Variants in CMIP observed in about 807,000 individuals in gnomAD.
The protein encoded by CMIP is C-Maf-inducing protein.
Under a neutral mutation model 97.3 loss-of-function variants are expected in CMIP, and 13 were observed. The ratio of observed to expected loss-of-function variants is 0.13; its 90% CI spans 0.09 to 0.21. The LOEUF (loss-of-function observed/expected upper bound fraction) is 0.21, where lower values mean the gene tolerates loss of function less well. Among genes scored for constraint, CMIP ranks in the 10% least tolerant of loss-of-function variants. The probability of loss-of-function intolerance (pLI) is 1.00; values close to 1 mark genes in which losing one functional copy is unlikely to be tolerated. For synonymous variants in CMIP, 538 were observed against 436.3 expected, an observed-to-expected ratio of 1.23 and a Z score of -2.91; for missense variants, 847 against 1,024.9, an observed-to-expected ratio of 0.83 and a Z score of 2.37.
rs377184469 is a variant in CMIP, at chr16:81,540,914, T to A, written c.301-66653T>A. Among the ~76,000 whole-genome samples the A allele has an allele frequency of 3.4e-4, 52 of 151,348 alleles. 1 individual carries two copies. Among genetic ancestry groups the A allele is most frequent in the East Asian group, 2.3e-3 (12 of 5,116 alleles). On this transcript the variant is annotated intron_variant, in intron 1 of 20. Transcript: ENST00000537098. Reference sequence around the variant, plus strand: ...CCAGGATGGTCTTGATCTCCTGACCTCATGATCCACCCACGTCTGCTTCCC... The same window carrying A: ...CCAGGATGGTCTTGATCTCCTGACCACATGATCCACCCACGTCTGCTTCCC...
At chr16:81,537,744 T>C (rs764432155) in intron 1 of CMIP, among the ~76,000 whole-genome samples, 42 of 152,096 alleles carry the variant, frequency 2.8e-4, no homozygotes, top group Middle Eastern at 3.4e-3. Flanking sequence ...AAATGGGAGT[T>C]TGGTGAAAGT....
Position 81,445,168 on chromosome 16 carries a change from C to A in CMIP, c.-74C>A. ...GGTGGGGGGGTGCGGGCCGCCGGAT[C>A]CGGGGGCCCCGCCGCCCCAGCAGCC... On this transcript the variant is annotated 5_prime_UTR_variant, in exon 1 of 21. Coordinates refer to ENST00000537098, the MANE Select transcript of CMIP (RefSeq NM_198390.3). 1.0e-6 allele frequency: 1 copy of A among 967,796 alleles called. No individual in the cohort carries two copies. The highest frequency in any genetic ancestry group is 1.4e-6 in the Non-Finnish European group (1 of 720,496). The allele number at this position is 967,796 out of a possible 1,614,324, so 60.0% of individuals were successfully genotyped here.
chr16:81,675,353 A>G (rs1597233097), intron 9 of CMIP, among the ~76,000 whole-genome samples: 1 of 149,376 alleles, frequency 6.7e-6, no homozygotes. Context: ...ACAGGTGTGC[A>G]CTGCCACACC....
intron 3 of CMIP, among the ~76,000 whole-genome samples, chr16:81,648,620 T>TA (rs2092392305): frequency 6.6e-6 from 1 of 151,464 alleles, no homozygotes; most frequent in South Asian, 2.1e-4. Flanking sequence ...CCATCTCTAC[T>TA]AAAAATACAA....
chr16:81,489,620 A>C (rs1182985668), intron 1 of CMIP, among the ~76,000 whole-genome samples: 1 of 152,180 alleles, frequency 6.6e-6, no homozygotes, highest in Non-Finnish European at 1.5e-5. Context: ...CGAGGCCACC[A>C]TTCTCCCAGG....
At chr16:81,691,912 T>C in intron 11 of CMIP, 72 bp downstream of exon 11, 1 of 1,315,692 alleles carries the variant, frequency 7.6e-7, no homozygotes, top group Non-Finnish European at 1.1e-6. Context: ...AAGGCCTTAG[T>C]GGGGGGCCAG....
At chr16:81,653,236 C>A (rs1030494008) in intron 4 of CMIP, among the ~76,000 whole-genome samples, 1 of 152,192 alleles carries the variant, frequency 6.6e-6, no homozygotes, top group East Asian at 1.9e-4. Context: ...CCTCCCCTGA[C>A]AGTGATACCC....
chr16:81,610,392 G>A lies in CMIP; in HGVS notation c.426+2700G>A, dbSNP rs539147700. On this transcript the variant is annotated intron_variant, in intron 2 of 20. Transcript: ENST00000537098. ...ACTGCCCCCTGATCCCGTGGACAGC[G>A]CAGTCAGAGGCAGGAGCAGGAGAGG... 1.7e-5 allele frequency: 17 copies of A among 985,742 alleles called. No homozygotes were observed. In the Admixed American group the frequency reaches 7.4e-4, roughly 43 times the overall value. The allele number at this position is 985,742 out of a possible 1,614,324, so 61.1% of individuals were successfully genotyped here.
chr16:81,582,346 C>G (rs1489853964), intron 1 of CMIP, among the ~76,000 whole-genome samples: 4 of 152,150 alleles, frequency 2.6e-5, no homozygotes, highest in Non-Finnish European at 5.9e-5. Flanking sequence ...CCCCAGTCTC[C>G]TTGAGCGTGA....
chr16:81,554,579 A>T (rs1000197565), intron 1 of CMIP, among the ~76,000 whole-genome samples: 1 of 152,236 alleles, frequency 6.6e-6, no homozygotes, highest in Non-Finnish European at 1.5e-5. Flanking sequence ...TGGGTGTATA[A>T]TCGAATTCAT....
chr16:81,540,435 T>A (rs1407368975), intron 1 of CMIP, among the ~76,000 whole-genome samples: 1 of 152,058 alleles, frequency 6.6e-6, no homozygotes, highest in African/African-American at 2.4e-5. Flanking sequence ...CCCGAGTAGC[T>A]GAGACTACAG....
intron 1 of CMIP, among the ~76,000 whole-genome samples, chr16:81,576,852 G>C (rs886342549): frequency 6.6e-6 from 1 of 152,100 alleles, no homozygotes; most frequent in Non-Finnish European, 1.5e-5. Flanking sequence ...GGAAGTGTCA[G>C]AGCAGGTATT....
At chr16:81,506,134 A>T (rs1403256834) in intron 1 of CMIP, among the ~76,000 whole-genome samples, 1 of 152,182 alleles carries the variant, frequency 6.6e-6, no homozygotes, top group Non-Finnish European at 1.5e-5. Flanking sequence ...GACCCCTCTT[A>T]GCCTCATTTT....
At chr16:81,678,903 CGTG>C (rs753435109) in intron 10 of CMIP, among the ~76,000 whole-genome samples, 1 of 152,144 alleles carries the variant, frequency 6.6e-6, no homozygotes, top group East Asian at 1.9e-4. Context: ...TATATACACA[CGTG>C]GGGTGCATGC....
intron 1 of CMIP, among the ~76,000 whole-genome samples, chr16:81,538,053 A>G (rs1436433593): frequency 6.6e-6 from 1 of 152,252 alleles, no homozygotes; most frequent in Non-Finnish European, 1.5e-5. Context: ...TGCCTGGTCC[A>G]TTACACACAC....
chr16:81,583,192 A>G (rs115469173), intron 1 of CMIP, among the ~76,000 whole-genome samples: 6,223 of 152,352 alleles, frequency 0.041, 179 homozygotes, highest in Middle Eastern at 0.12. Flanking sequence ...GTTGCTGCCA[A>G]CATCTGGCCT....
rs2092476180 is a variant in CMIP at position 81,655,905 on chromosome 16, C to G, written c.640-1870C>G. Among the ~76,000 whole-genome samples, 1 of 152,152 alleles carries G rather than the reference C, an allele frequency of 6.6e-6. No homozygotes were observed. Among genetic ancestry groups the G allele is most frequent in the South Asian group, 2.1e-4 (1 of 4,832 alleles). Reference sequence around the variant, plus strand: ...AATCAAAAGAAATTGGTGGCATGAGCAAAACAAAGCTCTTACACAGTGCCT... The same window carrying G: ...AATCAAAAGAAATTGGTGGCATGAGGAAAACAAAGCTCTTACACAGTGCCT... On this transcript the variant is annotated intron_variant, in intron 4 of 20. Coordinates refer to ENST00000537098, the MANE Select transcript of CMIP (RefSeq NM_198390.3). This position sits in a 1 kb window ranked among gnomAD's most constrained non-coding sequence, Gnocchi z 4.9.
At chr16:81,489,728 G>A (rs1462066635) in intron 1 of CMIP, among the ~76,000 whole-genome samples, 1 of 152,184 alleles carries the variant, frequency 6.6e-6, no homozygotes, top group African/African-American at 2.4e-5. Flanking sequence ...TCAGGGAGGG[G>A]GAGAGAGCTG....
chr16:81,567,675 C>A (rs1180465467), intron 1 of CMIP, among the ~76,000 whole-genome samples: 1 of 152,214 alleles, frequency 6.6e-6, no homozygotes. Context: ...CCACGCCGCC[C>A]TCAGGACCCT....
Sources: allele counts gnomAD v4.1 joint callset (sites outside exome capture counted in the v4.1 genomes callset), GRCh38; gene constraint gnomAD v4.1.1; non-coding constraint Gnocchi (gnomAD v3.1); transcripts MANE v1.5; gene names NCBI Gene and HGNC (gene_info 2026-07-23, HGNC 2026-07-21).